LMX1B: variants seen among roughly 807,000 people sequenced by gnomAD.
LMX1B encodes the protein LIM homeobox transcription factor 1-beta.
LMX1B carries 12 observed loss-of-function variants against 51.4 expected under a neutral mutation model. The observed-to-expected ratio is 0.23, with a 90% CI of 0.15 to 0.38. LMX1B has a LOEUF of 0.38. Among genes scored for constraint, LMX1B ranks in the 10% least tolerant of loss-of-function variants. The probability of loss-of-function intolerance (pLI) is 1.00; values close to 1 mark genes in which losing one functional copy is unlikely to be tolerated. For missense variants in LMX1B, 445 were observed against 571.1 expected (o/e 0.78, Z 2.25); for synonymous variants, 237 against 235.4 (o/e 1.01, Z -0.06).
In LMX1B at chr9:126,695,303, C is replaced by A. The variant is rs1205632787; in HGVS notation, c.887-536C>A. Among the ~76,000 whole-genome samples the A allele has an allele frequency of 6.6e-6, 1 of 152,190 alleles. No individual in the cohort carries two copies. The highest frequency in any genetic ancestry group is 1.5e-5 in the Non-Finnish European group (1 of 68,034). Reference sequence around the variant, plus strand: ...CCCCATGACCTGTGGTCCCTCTCAGCTGGTCTCCCCCACACCGACCTCTCT... The same window carrying A: ...CCCCATGACCTGTGGTCCCTCTCAGATGGTCTCCCCCACACCGACCTCTCT... On this transcript the variant is annotated intron_variant, in intron 6 of 7. Coordinates refer to ENST00000373474, the MANE Select transcript of LMX1B (RefSeq NM_001174147.2). The surrounding 1 kb of genome is among the most constrained non-coding windows in gnomAD (Gnocchi z 5.2).
rs764912756 is a variant in LMX1B at position 126,691,036 on chromosome 9, T to C, written c.527T>C (p.Leu176Pro). The change falls in exon 3 of 8, where the codon CTC (leucine) becomes CCC (proline). Residue 176 changes from leucine (L) to proline (P), a missense_variant. Around this residue, in one of 3 missense-constraint regions of LMX1B, gnomAD observed 273 missense variants for 343.3 expected, o/e 0.80. Coordinates refer to ENST00000373474, the MANE Select transcript of LMX1B (RefSeq NM_001174147.2). ...KGDYEKEKDLLSSVSPDESDS... is the reference protein window; with the variant it reads ...KGDYEKEKDLPSSVSPDESDS... ...GACTACGAGAAGGAGAAGGACCTGC[T>C]CAGCTCCGTGAGCCCCGACGAGTCC... 5 of 1,613,422 alleles carry C rather than the reference T, an allele frequency of 3.1e-6. No individual in the cohort carries two copies. The South Asian group carries it at 5.5e-5, about 18-fold the overall frequency.
chr9:126,621,350 C>T (rs1416882749), intron 2 of LMX1B, among the ~76,000 whole-genome samples: 1 of 152,258 alleles, frequency 6.6e-6, no homozygotes, highest in African/African-American at 2.4e-5. Context: ...CCGGAAGTTC[C>T]TCTGGCCCTC....
chr9:126,620,644 C>T (rs180746554), intron 2 of LMX1B, among the ~76,000 whole-genome samples: 2 of 151,328 alleles, frequency 1.3e-5, no homozygotes, highest in Non-Finnish European at 1.5e-5. Flanking sequence ...TGGGGGCAGA[C>T]GGAGGGTGGC....
intron 2 of LMX1B, among the ~76,000 whole-genome samples, chr9:126,674,938 T>G (rs1836526155): frequency 6.6e-6 from 1 of 152,208 alleles, no homozygotes; most frequent in Non-Finnish European, 1.5e-5. Context: ...GCTCTTGAGA[T>G]TAAGACAAAA....
At position 126,641,856 on chromosome 9, in the gene LMX1B, T is replaced by C. The variant is rs1462242769; in HGVS notation, c.326+26287T>C. On this transcript the variant is annotated intron_variant, in intron 2 of 7. Transcript: ENST00000373474. The surrounding 1 kb of genome is among the most constrained non-coding windows in gnomAD (Gnocchi z 4.1). Reference sequence around the variant, plus strand: ...TGAGCAATTGTGGTCACAGCTGATGTGCCCCCATCCCAGCGAGGCCCTGGG... The same window carrying C: ...TGAGCAATTGTGGTCACAGCTGATGCGCCCCCATCCCAGCGAGGCCCTGGG... Among the ~76,000 whole-genome samples the C allele has an allele frequency of 6.6e-6, 1 of 152,184 alleles. No homozygotes were observed. Among genetic ancestry groups the C allele is most frequent in the Admixed American group, 6.5e-5 (1 of 15,286 alleles).
intron 2 of LMX1B, among the ~76,000 whole-genome samples, chr9:126,687,745 C>A (rs78485882): frequency 2.0e-5 from 3 of 152,090 alleles, no homozygotes; most frequent in African/African-American, 4.8e-5. Context: ...ATTACTTGCC[C>A]GGTCACCAGC....
intron 2 of LMX1B, among the ~76,000 whole-genome samples, chr9:126,663,423 CAAAAAAAAAA>C (rs58849866): frequency 0.31 from 35,058 of 112,748 alleles, 4,851 homozygotes; most frequent in Middle Eastern, 0.44. Context: ...GACTCTTTCT[CAAAAAAAAAA>C]AAAAAGAAAA....
Position 126,626,156 on chromosome 9 carries a change from A to G in LMX1B, c.326+10587A>G, listed in dbSNP as rs997619883. ...TGATGTCCCGGCTCCCTGGCCTCCT[A>G]TTAGAACTCGTAGAGGATCCGCTCT... On this transcript the variant is annotated intron_variant, in intron 2 of 7. Transcript: ENST00000373474. This position sits in a 1 kb window ranked among gnomAD's most constrained non-coding sequence, Gnocchi z 4.3. 1.3e-5 allele frequency among the ~76,000 whole-genome samples: 2 copies of G among 152,268 alleles called. No individual in the cohort carries two copies. Among genetic ancestry groups the G allele is most frequent in the Admixed American group, 1.3e-4 (2 of 15,300 alleles).
intron 2 of LMX1B, among the ~76,000 whole-genome samples, chr9:126,637,301 T>A (rs1020294612): frequency 1.3e-5 from 2 of 152,066 alleles, no homozygotes; most frequent in Admixed American, 1.3e-4. Context: ...TGTCAGTGTG[T>A]GTGTGTCAGT....
At position 126,696,212 on chromosome 9, in the gene LMX1B, G is replaced by A. The variant is rs575810830; in HGVS notation, c.1052-82G>A. The A allele has an allele frequency of 4.0e-4, 563 of 1,408,796 alleles. No homozygotes were observed. In the African/African-American group the frequency reaches 6.2e-3, roughly 15 times the overall value. 87.3% of individuals were successfully genotyped at this position (1,408,796 alleles called of 1,614,324 possible). On this transcript the variant is annotated intron_variant, in intron 7 of 7. Coordinates refer to ENST00000373474, the MANE Select transcript of LMX1B (RefSeq NM_001174147.2). Reference sequence around the variant, plus strand: ...CCATCCTGTCTCTCCCTGGCCTCCAGTCACACAGCCTACAGGGCAAACAGG... The same window carrying A: ...CCATCCTGTCTCTCCCTGGCCTCCAATCACACAGCCTACAGGGCAAACAGG...
At chr9:126,652,024 G>T (rs12555176) in intron 2 of LMX1B, among the ~76,000 whole-genome samples, 8,590 of 150,916 alleles carry the variant, frequency 0.057, 293 homozygotes, top group Non-Finnish European at 0.084. Context: ...CCTGCGGTGG[G>T]ATACTCCAAG....
chr9:126,631,592 G>T (rs1835639196), intron 2 of LMX1B, among the ~76,000 whole-genome samples: 2 of 152,128 alleles, frequency 1.3e-5, no homozygotes, highest in Admixed American at 1.3e-4. Context: ...GGGGATAGGG[G>T]CGAGGGCAGA....
intron 2 of LMX1B, among the ~76,000 whole-genome samples, chr9:126,672,392 G>C (rs1320981669): frequency 1.3e-5 from 2 of 152,252 alleles, no homozygotes; most frequent in Non-Finnish European, 2.9e-5. Context: ...ACTGTAGAGA[G>C]CTGTCCTTGG....
intron 2 of LMX1B, chr9:126,640,968 C>T (rs932845699): frequency 6.6e-6 from 1 of 152,344 alleles, no homozygotes. Context: ...TCTGGACTTT[C>T]TAAAACAGCC....
chr9:126,623,991 G>A (rs1409253712), intron 2 of LMX1B, among the ~76,000 whole-genome samples: 1 of 152,182 alleles, frequency 6.6e-6, no homozygotes, highest in Non-Finnish European at 1.5e-5. Flanking sequence ...CTCCGCAGCC[G>A]AGCCGCGGGC....
chr9:126,665,780 C>T (rs1339370773), intron 2 of LMX1B, among the ~76,000 whole-genome samples: 3 of 152,260 alleles, frequency 2.0e-5, no homozygotes, highest in East Asian at 1.9e-4. Context: ...CCCGCTACCT[C>T]GGTGGGGCCA....
rs1835292369 is a variant in LMX1B at position 126,615,746 on chromosome 9, C to CCCA, written c.326+177_326+178insCCA. On this transcript the variant is annotated intron_variant, in intron 2 of 7. Transcript: ENST00000373474. This position sits in a 1 kb window ranked among gnomAD's most constrained non-coding sequence, Gnocchi z 6.0. The stretch of plus-strand genomic sequence containing the variant: ...GCTGGGGCGGACCAGCCCAGCCCAG[C>CCCA]GGGCACTGATGGGGTCCTGGGAGCC... Among the ~76,000 whole-genome samples, 3 of 152,018 alleles carry CCCA rather than the reference C, an allele frequency of 2.0e-5. No individual in the cohort carries two copies. The highest frequency in any genetic ancestry group is 2.9e-5 in the Non-Finnish European group (2 of 67,994).
In LMX1B at chr9:126,673,086, G is replaced by A. The variant is rs1287452123; in HGVS notation, c.327-17750G>A. Among the ~76,000 whole-genome samples the A allele has an allele frequency of 6.6e-6, 1 of 152,234 alleles. No individual in the cohort carries two copies. The highest frequency in any genetic ancestry group is 1.5e-5 in the Non-Finnish European group (1 of 68,044). On this transcript the variant is annotated intron_variant, in intron 2 of 7. Coordinates refer to ENST00000373474, the MANE Select transcript of LMX1B (RefSeq NM_001174147.2). The surrounding 1 kb of genome is among the most constrained non-coding windows in gnomAD (Gnocchi z 4.4). ...CTGGCACTTTGTAGCTGTGAGGCTTGGCACAAGGCTCAGTTTTCTCATCTG... is the reference window on the plus strand; with the variant it reads ...CTGGCACTTTGTAGCTGTGAGGCTTAGCACAAGGCTCAGTTTTCTCATCTG...
At position 126,658,620 on chromosome 9, in the gene LMX1B, C is replaced by T. The variant is rs569192933; in HGVS notation, c.327-32216C>T. Among the ~76,000 whole-genome samples the T allele has an allele frequency of 4.1e-4, 62 of 152,368 alleles. No homozygotes were observed. Among genetic ancestry groups the T allele is most frequent in the Non-Finnish European group, 6.6e-4 (45 of 68,040 alleles). ...CAATTTAAAGGCAGGCGGCCGCACC[C>T]GGCAGCGTTATTACCTTGTCATAAA... On this transcript the variant is annotated intron_variant, in intron 2 of 7. Transcript: ENST00000373474. This position sits in a 1 kb window ranked among gnomAD's most constrained non-coding sequence, Gnocchi z 4.0.
Sources: gnomAD v4.1 joint callset for allele counts (sites outside exome capture counted in the v4.1 genomes callset) on GRCh38, gnomAD v4.1.1 for gene constraint, gnomAD v4.1.1 regional missense constraint, Gnocchi (gnomAD v3.1) non-coding constraint, MANE v1.5 for transcripts, NCBI Gene and HGNC (gene_info 2026-07-23, HGNC 2026-07-21) for gene names.